PCDHA2: variants seen among roughly 807,000 people sequenced by gnomAD.
PCDHA2 encodes protocadherin alpha 2.
Under a neutral mutation model 66.0 loss-of-function variants are expected in PCDHA2, and 58 were observed. That is an observed-to-expected ratio of 0.88 (90% CI 0.71 to 1.09). PCDHA2 has a LOEUF of 1.09. Among genes scored for constraint, PCDHA2 ranks in the 50% least tolerant of loss-of-function variants. The pLI is 0.00. For synonymous variants in PCDHA2, 634 were observed against 554.0 expected (o/e 1.14, Z -2.03); for missense variants, 1,267 against 1,242.3 (o/e 1.02, Z -0.30).
chr5:140,851,102 G>A, intron 1 of PCDHA2: 1 of 1,288,626 alleles, frequency 7.8e-7, no homozygotes, highest in Non-Finnish European at 1.0e-6. Flanking sequence ...ATATTTTTTG[G>A]GTGCTGAATC....
At chr5:140,977,619 C>T (rs1289978944) in intron 1 of PCDHA2, among the ~76,000 whole-genome samples, 1 of 152,240 alleles carries the variant, frequency 6.6e-6, no homozygotes, top group African/African-American at 2.4e-5. Context: ...TAAAGTATCC[C>T]AGAGTTGTAA....
intron 1 of PCDHA2, chr5:140,802,586 C>A: frequency 1.2e-6 from 2 of 1,614,092 alleles, no homozygotes; most frequent in Non-Finnish European, 1.7e-6. Context: ...ACACGGTGTT[C>A]GTGAAGGAGA....
chr5:140,829,833 T>A, intron 1 of PCDHA2: 6 of 1,613,890 alleles, frequency 3.7e-6, no homozygotes, highest in Non-Finnish European at 5.1e-6. Flanking sequence ...AGCGAGCTGG[T>A]GCCGCGGTCA....
rs2150110682 is a variant in PCDHA2 at position 140,821,788 on chromosome 5, C to T, written c.2388+24436C>T. The T allele has an allele frequency of 1.2e-5, 19 of 1,611,448 alleles. No individual in the cohort carries two copies. Among genetic ancestry groups the T allele is most frequent in the Admixed American group, 1.7e-5 (1 of 59,848 alleles). ...GAACGAGATTGAGATGGTATATTCC[C>T]GGAGAGGAAGTCTGGGATCCCGGCT... On this transcript the variant is annotated intron_variant, in intron 1 of 3. Coordinates refer to ENST00000526136, the MANE Select transcript of PCDHA2 (RefSeq NM_018905.3).
intron 1 of PCDHA2, among the ~76,000 whole-genome samples, chr5:140,907,922 G>T (rs1554193181): frequency 6.6e-6 from 1 of 152,174 alleles, no homozygotes; most frequent in Admixed American, 6.5e-5. Context: ...ACTCAGAGAG[G>T]TCCATTCACA....
intron 3 of PCDHA2, among the ~76,000 whole-genome samples, chr5:141,001,903 A>G (rs2098043091): frequency 6.6e-6 from 1 of 152,190 alleles, no homozygotes; most frequent in African/African-American, 2.4e-5. Flanking sequence ...GGGCTGTTTG[A>G]AAAAGACTGC....
intron 1 of PCDHA2, chr5:140,821,759 AT>A (rs2150110485): frequency 6.3e-7 from 1 of 1,588,004 alleles, no homozygotes; most frequent in Non-Finnish European, 8.6e-7. Flanking sequence ...AAAGCTCATA[AT>A]TGGAACGAGA....
intron 1 of PCDHA2, chr5:140,929,117 T>C (rs1554206704): frequency 1.9e-6 from 3 of 1,614,160 alleles, no homozygotes; most frequent in African/African-American, 2.7e-5. Context: ...TCAGCCACCA[T>C]AGATGTCACT....
chr5:140,807,655 C>T (rs1554124179), intron 1 of PCDHA2: 2 of 1,614,066 alleles, frequency 1.2e-6, no homozygotes, highest in South Asian at 1.1e-5. Context: ...CACTAGAGGG[C>T]GCCTCGGATG....
At chr5:140,857,153 G>A in intron 1 of PCDHA2, 1 of 1,598,322 alleles carries the variant, frequency 6.3e-7, no homozygotes, top group East Asian at 2.2e-5. Context: ...CACCGTCATT[G>A]CCCTAATCAG....
chr5:140,948,267 A>C (rs964252489), intron 1 of PCDHA2, among the ~76,000 whole-genome samples: 1 of 151,646 alleles, frequency 6.6e-6, no homozygotes, highest in South Asian at 2.1e-4. Context: ...GTGTTCATGT[A>C]GAATATCTGT....
Position 140,821,990 on chromosome 5 carries a change from A to G in PCDHA2, c.2388+24638A>G, listed in dbSNP as rs1006572765. 3.2e-5 allele frequency: 52 copies of G among 1,613,966 alleles called. No homozygotes were observed. Among genetic ancestry groups the G allele is most frequent in the Admixed American group, 3.2e-4 (19 of 59,998 alleles). Reference sequence around the variant, plus strand: ...CGGGTGGCGTCCAAGGGCCGCGGGGACCTTCTGGAGGTAAATCTGCAGAAT... The same window carrying G: ...CGGGTGGCGTCCAAGGGCCGCGGGGGCCTTCTGGAGGTAAATCTGCAGAAT... On this transcript the variant is annotated intron_variant, in intron 1 of 3. Coordinates refer to ENST00000526136, the MANE Select transcript of PCDHA2 (RefSeq NM_018905.3).
At position 140,795,114 on chromosome 5, in the gene PCDHA2, G is replaced by A; in HGVS notation, c.150G>A (p.Gln50=). ...KHGTFVGRIA[Q]DLGLELEELV... ...GCACCTTCGTGGGCCGCATCGCGCA[G>A]GACCTGGGGCTGGAGCTGGAGGAGC... Residue 50 remains glutamine (Q), a synonymous_variant, in exon 1 of 4, where the codon CAG becomes CAA. Transcript: ENST00000526136. The A allele has an allele frequency of 6.2e-7, 1 of 1,614,074 alleles. No individual in the cohort carries two copies. The highest frequency in any genetic ancestry group is 8.5e-7 in the Non-Finnish European group (1 of 1,180,038).
chr5:140,862,711 G>T, intron 1 of PCDHA2: 2 of 561,474 alleles, frequency 3.6e-6, no homozygotes, highest in Admixed American at 3.8e-5. Flanking sequence ...ACAGCGGGTG[G>T]GCGAGTGCGC....
intron 3 of PCDHA2, among the ~76,000 whole-genome samples, chr5:141,004,848 CAG>C (rs1554259777): frequency 6.6e-6 from 1 of 152,190 alleles, no homozygotes; most frequent in Non-Finnish European, 1.5e-5. Context: ...TCATTAGTCT[CAG>C]AGAAAAAATT....
rs2150250387 is a variant in PCDHA2 at position 140,836,006 on chromosome 5, C to T, written c.2388+38654C>T. 26 of 1,613,312 alleles carry T rather than the reference C, an allele frequency of 1.6e-5. 1 individual carries two copies. Among genetic ancestry groups the T allele is most frequent in the Non-Finnish European group, 2.2e-5 (26 of 1,179,716 alleles). On this transcript the variant is annotated intron_variant, in intron 1 of 3. Transcript: ENST00000526136. ...TCCAGGTGAGCGCGCGCGATGCGGG[C>T]GTGCCGCCTCTGGGCAGCAACGTGA...
At chr5:140,815,569 T>C (rs1483495177) in intron 1 of PCDHA2, 1 of 152,160 alleles carries the variant, frequency 6.6e-6, no homozygotes, top group Non-Finnish European at 1.5e-5. Flanking sequence ...TACTTTTGTC[T>C]TTTAATCAGA....
chr5:140,883,403 T>C (rs1009539034), intron 1 of PCDHA2: 1 of 1,614,168 alleles, frequency 6.2e-7, no homozygotes, highest in Non-Finnish European at 8.5e-7. Context: ...CGATCGTGAC[T>C]CTGGCTCAAA....
At chr5:140,962,817 G>C (rs555403742) in intron 1 of PCDHA2, among the ~76,000 whole-genome samples, 1 of 152,202 alleles carries the variant, frequency 6.6e-6, no homozygotes, top group Non-Finnish European at 1.5e-5. Flanking sequence ...CATCAGAGAT[G>C]ACCATTTGTC....
Sources: allele counts gnomAD v4.1 joint callset (sites outside exome capture counted in the v4.1 genomes callset), GRCh38; gene constraint gnomAD v4.1.1; transcripts MANE v1.5; gene names NCBI Gene and HGNC (gene_info 2026-07-23, HGNC 2026-07-21).